Variants in ARHGEF12 observed in about 807,000 individuals in gnomAD.
ARHGEF12 encodes the protein Rho guanine nucleotide exchange factor 12.
In ARHGEF12, 66 loss-of-function variants were observed where a neutral mutation model predicts 211.2. The ratio of observed to expected loss-of-function variants is 0.31; its 90% CI spans 0.26 to 0.38. ARHGEF12 has a LOEUF of 0.38. Among genes scored for constraint, ARHGEF12 ranks in the 10% least tolerant of loss-of-function variants. The pLI is 1.00. For synonymous variants in ARHGEF12, 592 were observed against 638.4 expected, an observed-to-expected ratio of 0.93 and a Z score of 1.09; for missense variants, 1,429 against 1,869.5, an observed-to-expected ratio of 0.76 and a Z score of 4.34.
chr11:120,386,578 A>G (rs1944034785), intron 1 of ARHGEF12, among the ~76,000 whole-genome samples: 1 of 152,138 alleles, frequency 6.6e-6, no homozygotes, highest in South Asian at 2.1e-4. Flanking sequence ...ACATTATGCT[A>G]GGTTCTTTAG....
At chr11:120,390,571 G>T (rs938666125) in intron 1 of ARHGEF12, among the ~76,000 whole-genome samples, 2 of 152,134 alleles carry the variant, frequency 1.3e-5, no homozygotes, top group African/African-American at 2.4e-5. Context: ...GTAGGATTGG[G>T]AGTTCTTTCT....
At position 120,488,103 on chromosome 11, in the gene ARHGEF12, G is replaced by A. The variant is rs1284070951; in HGVS notation, c.*3026G>A. ...GTTTATTTGATTTTGAGTTAGGAGG[G>A]ATAATAGAGAAGTCCATTTAAAAAT... On this transcript the variant is annotated 3_prime_UTR_variant, in exon 41 of 41. Transcript: ENST00000397843. The A allele has an allele frequency of 9.2e-6, 2 of 217,306 alleles. No homozygotes were observed. The highest frequency in any genetic ancestry group is 2.2e-5 in the African/African-American group (1 of 44,460). The allele number at this position is 217,306 out of a possible 1,614,324, so 13.5% of individuals were successfully genotyped here. A position where few individuals can be genotyped will look rare whatever the true frequency, so the allele number is the denominator to read the frequency against.
At chr11:120,411,372 G>A (rs1393886440) in intron 4 of ARHGEF12, 1 of 152,010 alleles carries the variant, frequency 6.6e-6, no homozygotes, top group Non-Finnish European at 1.5e-5. Flanking sequence ...TAGCATAGAT[G>A]AAAAAGTCTC....
At chr11:120,482,547 C>G (rs1489082806) in intron 39 of ARHGEF12, among the ~76,000 whole-genome samples, 1 of 152,014 alleles carries the variant, frequency 6.6e-6, no homozygotes, top group Non-Finnish European at 1.5e-5. Flanking sequence ...AGATCGAGAC[C>G]ATCCTTGCTA....
chr11:120,337,091 A>G lies in ARHGEF12; in HGVS notation c.-153A>G. 3.5e-6 allele frequency: 3 copies of G among 848,824 alleles called. No homozygotes were observed. The highest frequency in any genetic ancestry group is 5.8e-6 in the Non-Finnish European group (3 of 519,532). 52.6% of individuals were successfully genotyped at this position (848,824 alleles called of 1,614,324 possible). A position where few individuals can be genotyped will look rare whatever the true frequency, so the allele number is the denominator to read the frequency against. On this transcript the variant is annotated 5_prime_UTR_variant, in exon 1 of 41. Coordinates refer to ENST00000397843, the MANE Select transcript of ARHGEF12 (RefSeq NM_015313.3). ...CAAGCCGCATCCGTTGACCCCTTAC[A>G]GTCGGATGGTCTAGATGACTGAATG...
At chr11:120,396,864 C>T (rs1447065013) in intron 1 of ARHGEF12, among the ~76,000 whole-genome samples, 1 of 152,160 alleles carries the variant, frequency 6.6e-6, no homozygotes, top group Non-Finnish European at 1.5e-5. Flanking sequence ...TTGGAGATAA[C>T]ACAATTCAAC....
chr11:120,391,471 A>G (rs1468510357), intron 1 of ARHGEF12, among the ~76,000 whole-genome samples: 2 of 152,222 alleles, frequency 1.3e-5, no homozygotes, highest in Non-Finnish European at 2.9e-5. Flanking sequence ...GTAGAGCAGT[A>G]CAAAGGCCAC....
rs924126052 is a variant in ARHGEF12 at position 120,486,908 on chromosome 11, A to G, written c.*1831A>G. ...TATTTTTAGTCATAAGCCAAGTACAATCTAACTCAGAATGGGATTAAAAAT... is the reference window on the plus strand; with the variant it reads ...TATTTTTAGTCATAAGCCAAGTACAGTCTAACTCAGAATGGGATTAAAAAT... On this transcript the variant is annotated 3_prime_UTR_variant, in exon 41 of 41. Coordinates refer to ENST00000397843, the MANE Select transcript of ARHGEF12 (RefSeq NM_015313.3). 9.4e-6 allele frequency: 2 copies of G among 212,036 alleles called. No homozygotes were observed. Among genetic ancestry groups the G allele is most frequent in the African/African-American group, 4.5e-5 (2 of 44,236 alleles). 13.1% of individuals were successfully genotyped at this position (212,036 alleles called of 1,614,324 possible).
chr11:120,415,638 C>T (rs1237071121), intron 4 of ARHGEF12, among the ~76,000 whole-genome samples: 1 of 152,106 alleles, frequency 6.6e-6, no homozygotes, highest in Non-Finnish European at 1.5e-5. Flanking sequence ...GAAAACATTT[C>T]ATTTGATTTT....
At chr11:120,449,506 C>T (rs1459983958) in intron 21 of ARHGEF12, 5 of 268,422 alleles carry the variant, frequency 1.9e-5, no homozygotes, top group Non-Finnish European at 3.5e-5. Flanking sequence ...CGAGACCATC[C>T]TGGCTAACAC....
intron 27 of ARHGEF12, among the ~76,000 whole-genome samples, chr11:120,461,741 T>C (rs763830049): frequency 2.0e-5 from 3 of 152,250 alleles, no homozygotes; most frequent in African/African-American, 4.8e-5. Context: ...GTACGTCTTC[T>C]GGATAACTTA....
At chr11:120,425,467 T>C (rs1945316654) in intron 7 of ARHGEF12, among the ~76,000 whole-genome samples, 1 of 151,912 alleles carries the variant, frequency 6.6e-6, no homozygotes, top group South Asian at 2.1e-4. Context: ...TTTTGTTTTT[T>C]GTTTTGTCTT....
Position 120,431,892 on chromosome 11 carries a change from C to T in ARHGEF12, c.905C>T (p.Pro302Leu), listed in dbSNP as rs772694962. 3 of 1,603,544 alleles carry T rather than the reference C, an allele frequency of 1.9e-6. No individual in the cohort carries two copies. The highest frequency in any genetic ancestry group is 2.5e-6 in the Non-Finnish European group (3 of 1,176,658). The change falls in exon 11 of 41, where the codon CCC (proline) becomes CTC (leucine). Residue 302 changes from proline to leucine, a missense_variant. Around this residue, in one of 7 missense-constraint regions of ARHGEF12, gnomAD observed 254 missense variants for 286.4 expected, o/e 0.89. Coordinates refer to ENST00000397843, the MANE Select transcript of ARHGEF12 (RefSeq NM_015313.3). The part of the protein sequence containing the change: ...TDCSSGDASR[P>L]SSDNADSPKS... ...TGTAGCAGTGGAGATGCTTCTCGGC[C>T]CAGTAGTGACAATGCAGATGTAAGC... is the stretch of plus-strand genomic sequence containing the variant.
At chr11:120,387,344 C>G (rs1944068769) in intron 1 of ARHGEF12, among the ~76,000 whole-genome samples, 1 of 151,972 alleles carries the variant, frequency 6.6e-6, no homozygotes, top group Non-Finnish European at 1.5e-5. Context: ...CTTCCTTCTT[C>G]CCTTCCCCCA....
rs904378745 is a variant in ARHGEF12, at chr11:120,457,376, G to C, written c.2189+126G>C. ...ATGGTGGTATGTACCTATAATGCCA[G>C]CTACTTGGGAGGCTGAGGCAGGAGA... On this transcript the variant is annotated intron_variant, in intron 23 of 40. Coordinates refer to ENST00000397843, the MANE Select transcript of ARHGEF12 (RefSeq NM_015313.3). The C allele has an allele frequency of 1.8e-5, 21 of 1,151,778 alleles. No homozygotes were observed. In the Admixed American group the frequency reaches 6.0e-4, roughly 33 times the overall value. The allele number at this position is 1,151,778 out of a possible 1,614,324, so 71.3% of individuals were successfully genotyped here.
At chr11:120,436,826 A>G (rs891508235) in intron 11 of ARHGEF12, among the ~76,000 whole-genome samples, 7 of 152,216 alleles carry the variant, frequency 4.6e-5, no homozygotes, top group African/African-American at 1.7e-4. Flanking sequence ...GAACAACTGT[A>G]TTAGGTATTA....
rs1300676529 is a variant in ARHGEF12 at position 120,457,321 on chromosome 11, C to T, written c.2189+71C>T. On this transcript the variant is annotated intron_variant, in intron 23 of 40. Coordinates refer to ENST00000397843, the MANE Select transcript of ARHGEF12 (RefSeq NM_015313.3). ...TTTTAAATTATATGCTATTCCTATA[C>T]TTAGTAGCATTCTAGCACTGAAGCC... 7 of 1,545,838 alleles carry T rather than the reference C, an allele frequency of 4.5e-6. No individual in the cohort carries two copies. The East Asian group carries it at 1.6e-4, about 35-fold the overall frequency.
Position 120,446,940 on chromosome 11 carries a change from C to T in ARHGEF12, c.1452-8C>T. 6.2e-7 allele frequency: 1 copy of T among 1,612,190 alleles called. No homozygotes were observed. The highest frequency in any genetic ancestry group is 8.5e-7 in the Non-Finnish European group (1 of 1,179,342). On this transcript the variant is annotated splice_region_variant and splice_polypyrimidine_tract_variant and intron_variant, in intron 17 of 40. Transcript: ENST00000397843. ...GGCTACCTCAGGAAACTTCTCTATT[C>T]CCTTCAGGCAGAAACGTAGTATGGG...
chr11:120,392,119 ACTC>A (rs1337213478), intron 1 of ARHGEF12, among the ~76,000 whole-genome samples: 3 of 151,478 alleles, frequency 2.0e-5, no homozygotes, highest in Non-Finnish European at 4.4e-5. Context: ...CTACTTTACT[ACTC>A]TCTTGGTCAT....
Sources: allele counts gnomAD v4.1 joint callset (sites outside exome capture counted in the v4.1 genomes callset), GRCh38; gene constraint gnomAD v4.1.1; regional missense constraint gnomAD v4.1.1; transcripts MANE v1.5; gene names NCBI Gene and HGNC (gene_info 2026-07-23, HGNC 2026-07-21).